The following SPTBN2 variants were observed in gnomAD, a reference collection of about 807,000 sequenced individuals.
The protein encoded by SPTBN2 is spectrin beta, non-erythrocytic 2.
In SPTBN2, 107 loss-of-function variants were observed where a neutral mutation model predicts 284.2. The ratio of observed to expected loss-of-function variants is 0.38; its 90% CI spans 0.32 to 0.44. The LOEUF is 0.44. SPTBN2 is among the 20% of genes least tolerant of loss of function. The pLI is 1.00. For missense variants in SPTBN2, 2,569 were observed against 3,287.1 expected, an observed-to-expected ratio of 0.78 and a Z score of 5.34; for synonymous variants, 1,289 against 1,354.8, an observed-to-expected ratio of 0.95 and a Z score of 1.07.
intron 29 of SPTBN2, 58 bp from the exon 30 acceptor site, chr11:66,689,238 C>A: frequency 6.5e-7 from 1 of 1,545,650 alleles, no homozygotes; most frequent in Non-Finnish European, 8.8e-7. Context: ...TTTCCACGGC[C>A]CCTGGGGAGT....
At position 66,693,789 on chromosome 11, in the gene SPTBN2, G is replaced by A. The variant is rs1218202065; in HGVS notation, c.4576C>T (p.Leu1526Phe). 2.5e-6 allele frequency: 4 copies of A among 1,613,518 alleles called. No homozygotes were observed. The highest frequency in any genetic ancestry group is 1.1e-5 in the South Asian group (1 of 90,852). ...HGKDLPSVQL[L>F]MKKNQTLQKE... ...TGCCTCACCTGGTTTTTCTTCATGAGAAGCTGGACGCTGGGCAGGTCCTTG... is the reference window on the plus strand; with the variant it reads ...TGCCTCACCTGGTTTTTCTTCATGAAAAGCTGGACGCTGGGCAGGTCCTTG... Residue 1526 changes from leucine (L) to phenylalanine (F), a missense_variant, in exon 23 of 38, where the codon CTC becomes TTC. Around this residue, in one of 6 missense-constraint regions of SPTBN2, gnomAD observed 1,130 missense variants for 1,317.3 expected, o/e 0.86. Transcript: ENST00000533211. This position sits in a 1 kb window ranked among gnomAD's most constrained non-coding sequence, Gnocchi z 5.7.
upstream of SPTBN2, among the ~76,000 whole-genome samples, chr11:66,731,983 TAA>T (rs561689617): frequency 7.2e-5 from 11 of 152,292 alleles, no homozygotes; most frequent in East Asian, 1.5e-3. Flanking sequence ...TTCAGGATGT[TAA>T]GAGAGAACTG....
At position 66,685,958 on chromosome 11, in the gene SPTBN2, C is replaced by G. The variant is rs544529600; in HGVS notation, c.7086G>C (p.Gly2362=). The part of the protein sequence containing the change: ...AMTMPPVSPV[G]AEGPVVLRSK... Reference sequence around the variant, plus strand: ...TGCGGAGCACAACAGGCCCCTCAGCCCCGACGGGTGACACTGGGGGCATGG... The same window carrying G: ...TGCGGAGCACAACAGGCCCCTCAGCGCCGACGGGTGACACTGGGGGCATGG... The change falls in exon 38 of 38, where the codon GGG becomes GGC. Residue 2362 remains glycine (G), a synonymous_variant. Coordinates refer to ENST00000533211, the MANE Select transcript of SPTBN2 (RefSeq NM_006946.4). This position sits in a 1 kb window ranked among gnomAD's most constrained non-coding sequence, Gnocchi z 4.4. The G allele has an allele frequency of 1.2e-6, 2 of 1,613,884 alleles. No homozygotes were observed. Among genetic ancestry groups the G allele is most frequent in the African/African-American group, 1.3e-5 (1 of 75,042 alleles).
chr11:66,708,052 T>C lies in SPTBN2; in HGVS notation c.1350+89A>G, dbSNP rs1941660001. On this transcript the variant is annotated intron_variant, in intron 12 of 37. Coordinates refer to ENST00000533211, the MANE Select transcript of SPTBN2 (RefSeq NM_006946.4). The surrounding 1 kb of genome is among the most constrained non-coding windows in gnomAD (Gnocchi z 4.4). ...CCCAGGTGACGGATTTTGTGTTTCA[T>C]TGTCTCTCCACCCCGCGGGGCTTCT... 2 of 1,587,912 alleles carry C rather than the reference T, an allele frequency of 1.3e-6. No homozygotes were observed. Among genetic ancestry groups the C allele is most frequent in the South Asian group, 1.1e-5 (1 of 90,124 alleles).
chr11:66,703,672 G>A (rs1941367568), intron 15 of SPTBN2, among the ~76,000 whole-genome samples: 1 of 151,952 alleles, frequency 6.6e-6, no homozygotes, highest in Non-Finnish European at 1.5e-5. Flanking sequence ...GGGAGGCAGA[G>A]CATGCAGTGA....
At position 66,688,719 on chromosome 11, in the gene SPTBN2, G is replaced by GT; in HGVS notation, c.6164dup (p.His2055GlnfsTer66). 6.2e-7 allele frequency: 1 copy of GT among 1,613,826 alleles called. No homozygotes were observed. On this transcript the variant is annotated frameshift_variant, in exon 31 of 38. Coordinates refer to ENST00000533211, the MANE Select transcript of SPTBN2 (RefSeq NM_006946.4). LOFTEE classifies it high-confidence loss of function. ...CCACTGCTGACTTCTGGAAGGCCTC[G>GT]TGCCGCTTGATGAGGCTCTCAACTT...
chr11:66,725,267 A>G (rs897306769), intron 1 of SPTBN2, among the ~76,000 whole-genome samples: 2 of 152,170 alleles, frequency 1.3e-5, no homozygotes, highest in Non-Finnish European at 2.9e-5. Flanking sequence ...GGCATTGTTC[A>G]GCATGTGGCT....
chr11:66,683,722 T>C lies in SPTBN2; in HGVS notation c.*2149A>G, dbSNP rs974136508. On this transcript the variant is annotated 3_prime_UTR_variant, in exon 38 of 38. Transcript: ENST00000533211. ...TTTACACTTACGTGTCGTGTTAAAA[T>C]AATCATTTCTCTATTAATTTCTCCA... Among the ~76,000 whole-genome samples, 1 of 152,260 alleles carries C rather than the reference T, an allele frequency of 6.6e-6. No homozygotes were observed. Among genetic ancestry groups the C allele is most frequent in the African/African-American group, 2.4e-5 (1 of 41,476 alleles).
intron 8 of SPTBN2, 56 bp downstream of exon 8, chr11:66,713,575 T>G: frequency 7.0e-7 from 1 of 1,431,872 alleles, no homozygotes; most frequent in Non-Finnish European, 9.8e-7. Flanking sequence ...TGGCAACCAC[T>G]GGTCCACCTC....
In SPTBN2 at chr11:66,687,518, G is replaced by C. The variant is rs1333503788; in HGVS notation, c.6631C>G (p.Arg2211Gly). 1 of 1,611,986 alleles carries C rather than the reference G, an allele frequency of 6.2e-7. No individual in the cohort carries two copies. The highest frequency in any genetic ancestry group is 1.1e-5 in the South Asian group (1 of 91,076). Reference sequence around the variant, plus strand: ...TCCTGGGCAGATGGCTCTGGGCCTCGAGGCGGCAGGGTGGCAGCATGGGCT... The same window carrying C: ...TCCTGGGCAGATGGCTCTGGGCCTCCAGGCGGCAGGGTGGCAGCATGGGCT... ...ESAHAATLPP[R>G]GPEPSAQEQM... Residue 2211 changes from arginine to glycine, a missense_variant, in exon 35 of 38, where the codon CGA (arginine) becomes GGA (glycine). Coordinates refer to ENST00000533211, the MANE Select transcript of SPTBN2 (RefSeq NM_006946.4). The surrounding 1 kb of genome is among the most constrained non-coding windows in gnomAD (Gnocchi z 5.2).
chr11:66,691,607 G>C lies in SPTBN2; in HGVS notation c.5242C>G (p.Gln1748Glu). The C allele has an allele frequency of 6.2e-7, 1 of 1,613,890 alleles. No individual in the cohort carries two copies. Among genetic ancestry groups the C allele is most frequent in the African/African-American group, 1.3e-5 (1 of 75,076 alleles). The change falls in exon 27 of 38, where the codon CAG (glutamine) becomes GAG (glutamate). Residue 1748 changes from glutamine (Q) to glutamate (E), a missense_variant. Gln to Glu is a conservative substitution (Grantham distance 29). Coordinates refer to ENST00000533211, the MANE Select transcript of SPTBN2 (RefSeq NM_006946.4). The surrounding 1 kb of genome is among the most constrained non-coding windows in gnomAD (Gnocchi z 8.0). ...GCATTGGCGCTATCTACGCGCTCCT[G>C]ACCGATGGTGCTTGTGTCCCGGGAG... ...EFSRDTSTIG[Q>E]ERVDSANALA...
chr11:66,702,541 G>C (rs886840628), intron 15 of SPTBN2, among the ~76,000 whole-genome samples: 2 of 152,180 alleles, frequency 1.3e-5, no homozygotes, highest in East Asian at 3.8e-4. Context: ...TATAGGCTTC[G>C]TGAGCCATGC....
Position 66,708,422 on chromosome 11 carries a change from C to T in SPTBN2, c.1192-123G>A, listed in dbSNP as rs908291181. Reference sequence around the variant, plus strand: ...GATCCGTGGAATGCAGTGGGTGAGACGCCTGGGCGTGGAAACAGGAAACAG... The same window carrying T: ...GATCCGTGGAATGCAGTGGGTGAGATGCCTGGGCGTGGAAACAGGAAACAG... On this transcript the variant is annotated intron_variant, in intron 11 of 37. Coordinates refer to ENST00000533211, the MANE Select transcript of SPTBN2 (RefSeq NM_006946.4). The surrounding 1 kb of genome is among the most constrained non-coding windows in gnomAD (Gnocchi z 4.4). 7.6e-5 allele frequency: 78 copies of T among 1,031,828 alleles called. No homozygotes were observed. The highest frequency in any genetic ancestry group is 6.8e-4 in the African/African-American group (42 of 61,852). The allele number at this position is 1,031,828 out of a possible 1,614,324, so 63.9% of individuals were successfully genotyped here. A position where few individuals can be genotyped will look rare whatever the true frequency, so the allele number is the denominator to read the frequency against.
chr11:66,733,072 C>T (rs925309813), upstream of SPTBN2, among the ~76,000 whole-genome samples: 2 of 151,152 alleles, frequency 1.3e-5, no homozygotes, highest in South Asian at 2.1e-4. Flanking sequence ...TAGAGAATTG[C>T]GACTGGGGAG....
chr11:66,696,321 CG>C lies in SPTBN2; in HGVS notation c.4233del (p.Tyr1411Ter). 6.2e-7 allele frequency: 1 copy of C among 1,613,182 alleles called. No individual in the cohort carries two copies. On this transcript the variant is annotated frameshift_variant, in exon 21 of 38. Coordinates refer to ENST00000533211, the MANE Select transcript of SPTBN2 (RefSeq NM_006946.4). LOFTEE classifies it high-confidence loss of function. Reference protein sequence around the residue: ...SLQAQLHSDDYGKDLTSVNIL... With the variant: ...SLQAQLHSDDXGKDLTSVNIL... ...ATGTTGACGCTGGTGAGGTCCTTGC[CG>C]TAGTCATCCGAGTGCAGCTGGGCCT...
chr11:66,689,570 C>T (rs552474721), intron 29 of SPTBN2, among the ~76,000 whole-genome samples: 4 of 152,286 alleles, frequency 2.6e-5, no homozygotes, highest in African/African-American at 9.6e-5. Context: ...TCCCAAAGTG[C>T]TGGGATTACA....
In SPTBN2 at chr11:66,704,877, C is replaced by T. The variant is rs144746828; in HGVS notation, c.2399G>A (p.Arg800Gln). ...RALEEEIRSH[R>Q]PTLDALREQA... is the part of the protein sequence containing the mutation. ...TTCCCTCAAGGCGTCCAGGGTTGGCCGGTGGCTTCGAATCTCCTCCTCCAG... is the reference window on the plus strand; with the variant it reads ...TTCCCTCAAGGCGTCCAGGGTTGGCTGGTGGCTTCGAATCTCCTCCTCCAG... Residue 800 changes from arginine (R) to glutamine (Q), a missense_variant, in exon 15 of 38, where the codon CGG (arginine) becomes CAG (glutamine). Around this residue, in one of 6 missense-constraint regions of SPTBN2, gnomAD observed 1,012 missense variants for 1,248.9 expected, o/e 0.81. Coordinates refer to ENST00000533211, the MANE Select transcript of SPTBN2 (RefSeq NM_006946.4). 49 of 1,610,730 alleles carry T rather than the reference C, an allele frequency of 3.0e-5. No individual in the cohort carries two copies. The highest frequency in any genetic ancestry group is 3.0e-4 in the South Asian group (27 of 91,090).
rs1468251358 is a variant in SPTBN2, at chr11:66,718,518, G to A, written c.158-2537C>T. 1.3e-5 allele frequency among the ~76,000 whole-genome samples: 2 copies of A among 152,234 alleles called. No homozygotes were observed. The highest frequency in any genetic ancestry group is 4.8e-5 in the African/African-American group (2 of 41,472). ...TTGATGAAAGCAGCTGGTGAAAGCA[G>A]GAGGCCCCCGGGGTTGTGGGCCCCT... On this transcript the variant is annotated intron_variant, in intron 3 of 37. Coordinates refer to ENST00000533211, the MANE Select transcript of SPTBN2 (RefSeq NM_006946.4). The surrounding 1 kb of genome is among the most constrained non-coding windows in gnomAD (Gnocchi z 4.8).
chr11:66,693,327 T>C lies in SPTBN2; in HGVS notation c.4713A>G (p.Lys1571=), dbSNP rs1350147812. ...GAAGTTCCAGCTCGTGGCCCAGGCG[T>C]TTCCACATTTCCTGCAGCTCAGCCA... is the stretch of plus-strand genomic sequence containing the variant. The part of the protein sequence containing the change: ...PELAELQEMW[K]RLGHELELRG... Residue 1571 remains lysine (K), a synonymous_variant, in exon 24 of 38, where the codon AAA becomes AAG. Transcript: ENST00000533211. The surrounding 1 kb of genome is among the most constrained non-coding windows in gnomAD (Gnocchi z 5.7). The C allele has an allele frequency of 4.3e-6, 7 of 1,611,034 alleles. No individual in the cohort carries two copies. The highest frequency in any genetic ancestry group is 5.1e-6 in the Non-Finnish European group (6 of 1,180,012).
Sources: gnomAD v4.1 joint callset for allele counts (sites outside exome capture counted in the v4.1 genomes callset) on GRCh38, gnomAD v4.1.1 for gene constraint, gnomAD v4.1.1 regional missense constraint, Gnocchi (gnomAD v3.1) non-coding constraint, MANE v1.5 for transcripts, NCBI Gene and HGNC (gene_info 2026-07-23, HGNC 2026-07-21) for gene names.